The following ABCB1 variants were observed in gnomAD, a reference collection of about 807,000 sequenced individuals.
ABCB1 encodes ATP binding cassette subfamily B member 1, also known as ATP-dependent translocase ABCB1.
ABCB1 carries 69 observed loss-of-function variants against 142.0 expected under a neutral mutation model. The observed-to-expected ratio is 0.49, with a 90% CI of 0.40 to 0.59. ABCB1 has a LOEUF of 0.59. ABCB1 is among the 20% of genes least tolerant of loss of function. The pLI is 0.00. For synonymous variants in ABCB1, 532 were observed against 539.2 expected (o/e 0.99, Z 0.18); for missense variants, 1,326 against 1,554.7 (o/e 0.85, Z 2.47).
intron 1 of ABCB1, among the ~76,000 whole-genome samples, chr7:87,637,636 A>C (rs1821917598): frequency 6.6e-6 from 1 of 151,974 alleles, no homozygotes; most frequent in African/African-American, 2.4e-5. Context: ...TAAATCTCTT[A>C]TTATATTTAT....
chr7:87,544,875 C>T lies in ABCB1; in HGVS notation c.2012G>A (p.Ser671Asn), dbSNP rs200178485. The T allele has an allele frequency of 3.7e-6, 6 of 1,614,152 alleles. No individual in the cohort carries two copies. Among genetic ancestry groups the T allele is most frequent in the East Asian group, 2.2e-5 (1 of 44,880 alleles). The change falls in exon 16 of 28, where the codon AGT becomes AAT. Residue 671 changes from serine (S) to asparagine (N), a missense_variant. Ser to Asn is a conservative substitution (Grantham distance 46). Transcript: ENST00000622132. ...SLIRKRSTRR[S>N]VRGSQAQDRK... is the part of the protein sequence containing the mutation. ...GTCTTGGGCTTGTGATCCACGGACA[C>T]TCCTACGAGTTGATCTTTTTCTTAT...
chr7:87,581,140 A>C (rs992088505), intron 4 of ABCB1, among the ~76,000 whole-genome samples: 66 of 152,096 alleles, frequency 4.3e-4, no homozygotes, highest in African/African-American at 1.5e-3. Flanking sequence ...AAGTTTTATT[A>C]GAGACAAACT....
upstream of ABCB1, among the ~76,000 whole-genome samples, chr7:87,605,340 A>C (rs544187307): frequency 6.6e-6 from 1 of 152,184 alleles, no homozygotes; most frequent in Non-Finnish European, 1.5e-5. Flanking sequence ...CACCACATTG[A>C]CTAGGCTGAT....
chr7:87,642,160 C>T (rs1243998295), intron 1 of ABCB1, among the ~76,000 whole-genome samples: 1 of 151,404 alleles, frequency 6.6e-6, no homozygotes, highest in African/African-American at 2.4e-5. Context: ...GAATTCAAAC[C>T]CAAATATATC....
intron 15 of ABCB1, among the ~76,000 whole-genome samples, chr7:87,545,216 G>A (rs1249748468): frequency 6.6e-6 from 1 of 152,154 alleles, no homozygotes; most frequent in Non-Finnish European, 1.5e-5. Context: ...AATTCCCACT[G>A]CATATACTGA....
In ABCB1 at chr7:87,688,178, T is replaced by C. The variant is rs2130629333; in HGVS notation, c.-331+24983A>G. Among the ~76,000 whole-genome samples the C allele has an allele frequency of 1.3e-5, 2 of 152,228 alleles. 1 individual carries two copies. ...GGAAAGGTGAAGCAGATATTGTATC[T>C]CAGAAAATCATCGTATTCATGTAAT... On this transcript the variant is annotated intron_variant, in intron 1 of 28. Transcript: ENST00000265724.
At chr7:87,647,483 A>G (rs569542796) in intron 1 of ABCB1, among the ~76,000 whole-genome samples, 6 of 152,178 alleles carry the variant, frequency 3.9e-5, no homozygotes, top group Admixed American at 6.5e-5. Flanking sequence ...ACATGTAAAC[A>G]TTGCTACATT....
chr7:87,556,655 A>C (rs1941266480), intron 8 of ABCB1, among the ~76,000 whole-genome samples: 2 of 152,178 alleles, frequency 1.3e-5, no homozygotes, highest in Admixed American at 6.5e-5. Flanking sequence ...GGCCTGGACC[A>C]TTCTGCCGGC....
At chr7:87,672,311 C>T (rs1825902940) in intron 1 of ABCB1, among the ~76,000 whole-genome samples, 1 of 152,220 alleles carries the variant, frequency 6.6e-6, no homozygotes, top group African/African-American at 2.4e-5. Flanking sequence ...CTTTCCACCT[C>T]TGGTCAGCTT....
rs533024731 is a variant in ABCB1 at position 87,644,118 on chromosome 7, C to G, written c.-330-43040G>C. Among the ~76,000 whole-genome samples the G allele has an allele frequency of 2.0e-5, 3 of 152,340 alleles. No homozygotes were observed. In the East Asian group the frequency reaches 5.8e-4, roughly 29 times the overall value. ...AGGTGATCCACCCGCCTTGGCCTCCCAAAGTGTTGGGATTACAGGCGTGAG... is the reference window on the plus strand; with the variant it reads ...AGGTGATCCACCCGCCTTGGCCTCCGAAAGTGTTGGGATTACAGGCGTGAG... On this transcript the variant is annotated intron_variant, in intron 1 of 28. Coordinates refer to the ABCB1 transcript ENST00000265724.
At chr7:87,610,835 T>C (rs1233715972) in intron 1 of ABCB1, among the ~76,000 whole-genome samples, 19 of 152,238 alleles carry the variant, frequency 1.2e-4, no homozygotes, top group Non-Finnish European at 1.0e-4. Context: ...TCAGCATGCA[T>C]ATCTAAGTAC....
At chr7:87,691,068 C>G (rs1827974839) in intron 1 of ABCB1, among the ~76,000 whole-genome samples, 1 of 151,850 alleles carries the variant, frequency 6.6e-6, no homozygotes, top group South Asian at 2.1e-4. Context: ...GAATAGAAAA[C>G]AAAGTTGGAA....
intron 4 of ABCB1, among the ~76,000 whole-genome samples, chr7:87,576,798 T>C (rs1818290584): frequency 6.6e-6 from 1 of 152,114 alleles, no homozygotes; most frequent in Non-Finnish European, 1.5e-5. Context: ...AGTAGATGTA[T>C]ATATTTACAG....
In ABCB1 at chr7:87,516,615, G is replaced by A; in HGVS notation, c.2978C>T (p.Ser993Leu). 6.2e-7 allele frequency: 1 copy of A among 1,613,766 alleles called. No individual in the cohort carries two copies. The highest frequency in any genetic ancestry group is 2.2e-5 in the East Asian group (1 of 44,830). ...GGCTTTGGCATAGTCAGGAGCAAAT[G>A]AACTGACTTGCCCCACGGCCATGGC... ...FGAMAVGQVS[S>L]FAPDYAKAKI... Residue 993 changes from serine to leucine, a missense_variant, in exon 24 of 28, where the codon TCA (serine) becomes TTA (leucine). Ser to Leu is a moderately radical substitution (Grantham distance 145). Transcript: ENST00000622132.
chr7:87,520,428 T>C (rs569070283), intron 22 of ABCB1, among the ~76,000 whole-genome samples: 67 of 152,296 alleles, frequency 4.4e-4, no homozygotes, highest in Middle Eastern at 6.8e-3. Context: ...ATCCTCTCTG[T>C]GTCCCACAGG....
intron 3 of ABCB1, among the ~76,000 whole-genome samples, chr7:87,589,932 TAAAAGG>T (rs1393801987): frequency 6.7e-6 from 1 of 150,250 alleles, no homozygotes; most frequent in South Asian, 2.1e-4. Context: ...CAGAACCACA[TAAAAGG>T]CATGTTGATC....
At chr7:87,576,501 C>T (rs1285827830) in intron 4 of ABCB1, among the ~76,000 whole-genome samples, 3 of 150,430 alleles carry the variant, frequency 2.0e-5, no homozygotes, top group Non-Finnish European at 4.4e-5. Flanking sequence ...GTATTAATCT[C>T]ATGTGTATTT....
At chr7:87,645,652 T>C (rs1822930056) in intron 1 of ABCB1, among the ~76,000 whole-genome samples, 1 of 152,226 alleles carries the variant, frequency 6.6e-6, no homozygotes, top group Admixed American at 6.5e-5. Context: ...GTCATCATTA[T>C]CAGGAAATAG....
chr7:87,536,095 C>G (rs541709713), intron 20 of ABCB1, among the ~76,000 whole-genome samples: 48 of 152,260 alleles, frequency 3.2e-4, no homozygotes, highest in African/African-American at 1.1e-3. Flanking sequence ...CCTTCTGTAA[C>G]CATAGTGACT....
Sources: allele counts gnomAD v4.1 joint callset (sites outside exome capture counted in the v4.1 genomes callset), GRCh38; gene constraint gnomAD v4.1.1; transcripts MANE v1.5; gene names NCBI Gene and HGNC (gene_info 2026-07-23, HGNC 2026-07-21).